COL25A1: variants seen among roughly 807,000 people sequenced by gnomAD.
The protein encoded by COL25A1 is collagen type XXV alpha 1 chain.
COL25A1 carries 103 observed loss-of-function variants against 128.4 expected under a neutral mutation model. The ratio of observed to expected loss-of-function variants is 0.80; its 90% CI spans 0.68 to 0.94. The LOEUF (loss-of-function observed/expected upper bound fraction) is 0.94, where lower values mean the gene tolerates loss of function less well. Among genes scored for constraint, COL25A1 ranks in the 40% least tolerant of loss-of-function variants. COL25A1 has a pLI of 0.00. For missense variants in COL25A1, 745 were observed against 840.0 expected (o/e 0.89, Z 1.40); for synonymous variants, 279 against 277.2 (o/e 1.01, Z -0.06).
Position 108,920,613 on chromosome 4 carries a change from G to C in COL25A1, c.709-9C>G, listed in dbSNP as rs765026773. 1 of 1,598,450 alleles carries C rather than the reference G, an allele frequency of 6.3e-7. No individual in the cohort carries two copies. On this transcript the variant is annotated splice_polypyrimidine_tract_variant and intron_variant, in intron 11 of 37. Transcript: ENST00000399132. The stretch of plus-strand genomic sequence containing the variant: ...GGAGGCCCTAGAGGACCCTAAAAAA[G>C]AAAAACGATTCAATTAACATACTAT...
chr4:109,030,636 G>A (rs1038708991), intron 5 of COL25A1, among the ~76,000 whole-genome samples: 4 of 152,188 alleles, frequency 2.6e-5, no homozygotes, highest in Non-Finnish European at 5.9e-5. Flanking sequence ...GGAACTTTGA[G>A]GTAGGTCAAA....
At chr4:109,266,022 GT>G (rs77148435) in intron 3 of COL25A1, among the ~76,000 whole-genome samples, 5,853 of 151,830 alleles carry the variant, frequency 0.039, 383 homozygotes, top group African/African-American at 0.13. Context: ...CTGTGTTAAA[GT>G]TTTTTTTAAA....
chr4:109,212,135 T>C (rs1162339951), intron 3 of COL25A1, among the ~76,000 whole-genome samples: 3 of 152,154 alleles, frequency 2.0e-5, no homozygotes, highest in African/African-American at 7.2e-5. Flanking sequence ...TGGTTATCCA[T>C]TGCTCATAGC....
At chr4:109,152,660 A>C (rs1335712248) in intron 3 of COL25A1, among the ~76,000 whole-genome samples, 1 of 152,226 alleles carries the variant, frequency 6.6e-6, no homozygotes, top group East Asian at 1.9e-4. Flanking sequence ...TGTGGTATAT[A>C]CGTACAATGG....
intron 3 of COL25A1, among the ~76,000 whole-genome samples, chr4:109,178,061 T>C (rs142486748): frequency 3.3e-5 from 5 of 152,356 alleles, no homozygotes; most frequent in East Asian, 1.9e-4. Flanking sequence ...TTCTGGGGAA[T>C]TGACTTTAAT....
intron 3 of COL25A1, among the ~76,000 whole-genome samples, chr4:109,153,356 G>A (rs543099714): frequency 6.7e-6 from 1 of 148,314 alleles, no homozygotes; most frequent in African/African-American, 2.5e-5. Flanking sequence ...ACTCCAGCCT[G>A]GGCAACAAGA....
chr4:109,136,992 G>A (rs1164340852), intron 3 of COL25A1, among the ~76,000 whole-genome samples: 1 of 152,194 alleles, frequency 6.6e-6, no homozygotes, highest in East Asian at 1.9e-4. Context: ...GATGACTGCA[G>A]CCCTGGTTGA....
At chr4:109,258,291 TAC>T (rs528415458) in intron 3 of COL25A1, among the ~76,000 whole-genome samples, 213 of 152,362 alleles carry the variant, frequency 1.4e-3, no homozygotes, top group Non-Finnish European at 2.4e-3. Flanking sequence ...TATTCATCCA[TAC>T]AGTCTTTTTC....
chr4:109,267,929 C>T (rs1023615761), intron 3 of COL25A1, among the ~76,000 whole-genome samples: 3 of 152,092 alleles, frequency 2.0e-5, no homozygotes, highest in Non-Finnish European at 2.9e-5. Flanking sequence ...TATTGTCTTT[C>T]CTTAGTCATG....
chr4:109,257,502 A>C (rs1781157950), intron 3 of COL25A1, among the ~76,000 whole-genome samples: 1 of 152,238 alleles, frequency 6.6e-6, no homozygotes, highest in South Asian at 2.1e-4. Context: ...CTAAAAAGAA[A>C]TACTTGGATA....
At position 108,832,331 on chromosome 4, in the gene COL25A1, G is replaced by A. The variant is rs758344282; in HGVS notation, c.1710+49C>T. 11 of 1,295,748 alleles carry A rather than the reference G, an allele frequency of 8.5e-6. No homozygotes were observed. The East Asian group carries it at 2.1e-4, about 25-fold the overall frequency. The allele number at this position is 1,295,748 out of a possible 1,614,324, so 80.3% of individuals were successfully genotyped here. ...AGTTAAATTAATATGGAAAAGCCAT[G>A]CTCTGTGTTTTCTTTAGTACAAGCT... On this transcript the variant is annotated intron_variant, in intron 32 of 37. Coordinates refer to ENST00000399132, the MANE Select transcript of COL25A1 (RefSeq NM_198721.4).
chr4:108,855,022 G>A (rs75822628), intron 24 of COL25A1, among the ~76,000 whole-genome samples: 8,936 of 151,992 alleles, frequency 0.059, 285 homozygotes, highest in Middle Eastern at 0.092. Flanking sequence ...AAAGTTCTAT[G>A]GGGTTGATAA....
chr4:108,884,736 G>C (rs1390572002), intron 18 of COL25A1, among the ~76,000 whole-genome samples: 1 of 152,174 alleles, frequency 6.6e-6, no homozygotes. Context: ...CCTGAATGAT[G>C]AGAAGATAAA....
chr4:108,957,542 A>C (rs1750208270), intron 8 of COL25A1, among the ~76,000 whole-genome samples: 1 of 152,218 alleles, frequency 6.6e-6, no homozygotes, highest in African/African-American at 2.4e-5. Flanking sequence ...GGAAGTAGAA[A>C]ACGGTAGATG....
At chr4:109,128,359 T>C (rs962048345) in intron 3 of COL25A1, among the ~76,000 whole-genome samples, 1 of 152,318 alleles carries the variant, frequency 6.6e-6, no homozygotes, top group African/African-American at 2.4e-5. Context: ...AACATTCTTT[T>C]CTGCCAATCT....
chr4:108,976,496 A>G (rs1222070048), intron 6 of COL25A1, among the ~76,000 whole-genome samples: 1 of 152,202 alleles, frequency 6.6e-6, no homozygotes, highest in Non-Finnish European at 1.5e-5. Flanking sequence ...TACTAATTCT[A>G]GAGGCACTGA....
intron 5 of COL25A1, among the ~76,000 whole-genome samples, chr4:109,013,078 T>C (rs893504693): frequency 2.0e-5 from 3 of 152,184 alleles, no homozygotes; most frequent in African/African-American, 7.2e-5. Flanking sequence ...CTTGAACTTT[T>C]ACGTCTAGCT....
intron 3 of COL25A1, among the ~76,000 whole-genome samples, chr4:109,102,517 T>C (rs1250952811): frequency 6.6e-6 from 1 of 152,146 alleles, no homozygotes; most frequent in African/African-American, 2.4e-5. Flanking sequence ...TCAAGTTGGT[T>C]GATAATATTT....
chr4:108,983,582 T>G (rs749406966), intron 6 of COL25A1, among the ~76,000 whole-genome samples: 2 of 152,220 alleles, frequency 1.3e-5, no homozygotes, highest in African/African-American at 4.8e-5. Flanking sequence ...ACTTCAAGAA[T>G]GAAGCCGCGG....
Sources: gnomAD v4.1 joint callset for allele counts (sites outside exome capture counted in the v4.1 genomes callset) on GRCh38, gnomAD v4.1.1 for gene constraint, MANE v1.5 for transcripts, NCBI Gene and HGNC (gene_info 2026-07-23, HGNC 2026-07-21) for gene names.